Variants in ZNF469 observed in about 807,000 individuals in gnomAD.
ZNF469 encodes zinc finger protein 469.
A neutral mutation model predicts 1.0 loss-of-function variants in ZNF469; 1 was observed. The observed-to-expected ratio is 1.00, with a 90% CI of 0.35 to 4.73. The LOEUF (loss-of-function observed/expected upper bound fraction) is 4.73, where lower values mean the gene tolerates loss of function less well. ZNF469 is among the 30% of genes most tolerant of loss of function. The probability of loss-of-function intolerance (pLI) is 0.16; values close to 1 mark genes in which losing one functional copy is unlikely to be tolerated. For synonymous variants in ZNF469, 2,703 were observed against 2,363.4 expected (o/e 1.14, Z -4.17); for missense variants, 6,100 against 5,356.3 (o/e 1.14, Z -4.33).
At chr16:88,375,071 C>G in the ZNF469 span, among the ~76,000 whole-genome samples, 1 of 152,218 alleles carries the variant, frequency 6.6e-6, no homozygotes, top group Non-Finnish European at 1.5e-5. Context: ...AGGACAGGCC[C>G]GAAGGCTGCA....
At chr16:88,343,023 AG>A in the ZNF469 span, among the ~76,000 whole-genome samples, 6 of 152,164 alleles carry the variant, frequency 3.9e-5, no homozygotes. Flanking sequence ...CCACAGGCAA[AG>A]CAGCGGGCAG....
chr16:88,141,456 G>T, the ZNF469 span, among the ~76,000 whole-genome samples: 3 of 143,346 alleles, frequency 2.1e-5, no homozygotes, highest in Admixed American at 6.9e-5. Flanking sequence ...CTGGTCCCCG[G>T]AGCCTGCTAT....
the ZNF469 span, among the ~76,000 whole-genome samples, chr16:88,370,507 G>T: frequency 1.3e-5 from 2 of 152,096 alleles, no homozygotes. Flanking sequence ...TGGACGATCG[G>T]CTAAGGAATA....
Position 88,438,471 on chromosome 16 carries a change from G to C in ZNF469, c.11001G>C (p.Lys3667Asn). The change falls in exon 3 of 3, where the codon AAG (lysine) becomes AAC (asparagine). Residue 3667 changes from lysine (K) to asparagine (N), a missense_variant. Lys to Asn is a moderately conservative substitution (Grantham distance 94, BLOSUM62 0). Transcript: ENST00000565624. ...GGGGGCCCCGAGGCGCCTTCCACAA[G>C]GGCAGCGCCACCAAGCCTGCGGGCT... ...SEGGPRGAFH[K>N]GSATKPAGCQ... The C allele has an allele frequency of 1.3e-6, 2 of 1,550,118 alleles. No homozygotes were observed. Among genetic ancestry groups the C allele is most frequent in the Admixed American group, 2.0e-5 (1 of 51,010 alleles).
chr16:88,354,853 G>A, the ZNF469 span, among the ~76,000 whole-genome samples: 9,936 of 152,242 alleles, frequency 0.065, 397 homozygotes, highest in Admixed American at 0.12. Context: ...AGGCTCCAGG[G>A]TCTGAAGGGC....
the ZNF469 span, among the ~76,000 whole-genome samples, chr16:88,269,061 T>C: frequency 1.3e-5 from 2 of 152,190 alleles, no homozygotes; most frequent in Admixed American, 6.5e-5. Context: ...GGGTGAGGGC[T>C]GGGTATGCTG....
intron 1 of ZNF469, among the ~76,000 whole-genome samples, chr16:88,389,329 G>A (rs893917335): frequency 1.3e-5 from 2 of 152,262 alleles, no homozygotes; most frequent in African/African-American, 2.4e-5. Context: ...CGTGGCGGGA[G>A]TCGGCGCTTC....
At chr16:88,247,134 GATGAGTGAGTTAGTGA>G in the ZNF469 span, among the ~76,000 whole-genome samples, 1 of 149,474 alleles carries the variant, frequency 6.7e-6, no homozygotes, top group Non-Finnish European at 1.5e-5. Flanking sequence ...TGAATGAGTG[GATGAGTGAGTTAGTGA>G]ATGAGTGAAT....
chr16:88,392,876 TC>T (rs1380799682), intron 1 of ZNF469, among the ~76,000 whole-genome samples: 2 of 152,216 alleles, frequency 1.3e-5, no homozygotes, highest in Non-Finnish European at 2.9e-5. Flanking sequence ...CCTCCCTTGC[TC>T]CTTGTAGATC....
the ZNF469 span, among the ~76,000 whole-genome samples, chr16:88,106,431 T>C: frequency 6.6e-6 from 1 of 152,040 alleles, no homozygotes; most frequent in Non-Finnish European, 1.5e-5. Flanking sequence ...TTCTAGAGCT[T>C]TCTTTTGGTG....
At chr16:88,245,851 C>G in the ZNF469 span, among the ~76,000 whole-genome samples, 1 of 152,390 alleles carries the variant, frequency 6.6e-6, no homozygotes, top group South Asian at 2.1e-4. Flanking sequence ...AGACATTGAG[C>G]GTGCCTGGTG....
At chr16:88,297,668 C>T in the ZNF469 span, among the ~76,000 whole-genome samples, 6 of 152,160 alleles carry the variant, frequency 3.9e-5, no homozygotes, top group Non-Finnish European at 5.9e-5. Flanking sequence ...TCTGTCCCCA[C>T]GCACCCTCTC....
chr16:88,195,931 C>T, the ZNF469 span, among the ~76,000 whole-genome samples: 1 of 152,258 alleles, frequency 6.6e-6, no homozygotes, highest in African/African-American at 2.4e-5. Flanking sequence ...TGCCCAGACA[C>T]TTGCTCCCAA....
chr16:88,127,758 G>A, the ZNF469 span, among the ~76,000 whole-genome samples: 1 of 152,204 alleles, frequency 6.6e-6, no homozygotes, highest in Non-Finnish European at 1.5e-5. Flanking sequence ...TATTTGAGAT[G>A]AAGAAGGTTG....
the ZNF469 span, among the ~76,000 whole-genome samples, chr16:88,325,330 C>T: frequency 6.6e-6 from 1 of 152,224 alleles, no homozygotes; most frequent in Admixed American, 6.5e-5. Flanking sequence ...CCCAGGACAC[C>T]CACCAGACTG....
the ZNF469 span, among the ~76,000 whole-genome samples, chr16:88,336,427 C>G: frequency 6.8e-6 from 1 of 146,216 alleles, no homozygotes. Flanking sequence ...AACATGCCAA[C>G]ATCACACACG....
the ZNF469 span, among the ~76,000 whole-genome samples, chr16:88,335,054 C>T: frequency 1.3e-5 from 2 of 152,222 alleles, no homozygotes; most frequent in Non-Finnish European, 2.9e-5. Flanking sequence ...CCACTGGGCA[C>T]AGGAAGAGGC....
chr16:88,438,238 C>T lies in ZNF469; in HGVS notation c.10768C>T (p.Leu3590Phe). 1.3e-6 allele frequency: 2 copies of T among 1,547,626 alleles called. No homozygotes were observed. The highest frequency in any genetic ancestry group is 1.7e-6 in the Non-Finnish European group (2 of 1,145,104). Residue 3590 changes from leucine to phenylalanine, a missense_variant, in exon 3 of 3, where the codon CTT (leucine) becomes TTT (phenylalanine). Transcript: ENST00000565624. ...GGCTTCCCCAGGCAGCCCCGGGCCT[C>T]TTCTCCAGCAAGCTCTCCCTCTGGG... is the stretch of plus-strand genomic sequence containing the variant. Reference protein sequence around the residue: ...NEASPGSPGPLLQQALPLGAS... With the variant: ...NEASPGSPGPFLQQALPLGAS...
At chr16:88,148,579 C>T in the ZNF469 span, among the ~76,000 whole-genome samples, 1 of 152,186 alleles carries the variant, frequency 6.6e-6, no homozygotes, top group Admixed American at 6.5e-5. Flanking sequence ...CTCATGGGAC[C>T]CTTTCTCCAG....
Sources: gnomAD v4.1 joint callset for allele counts (sites outside exome capture counted in the v4.1 genomes callset) on GRCh38, gnomAD v4.1.1 for gene constraint, MANE v1.5 for transcripts, NCBI Gene and HGNC (gene_info 2026-07-23, HGNC 2026-07-21) for gene names.